PCDHA8: variants seen among roughly 807,000 people sequenced by gnomAD.
PCDHA8 encodes protocadherin alpha 8, also known as protocadherin alpha-8.
Under a neutral mutation model 61.8 loss-of-function variants are expected in PCDHA8, and 53 were observed. The observed-to-expected ratio is 0.86, with a 90% confidence interval of 0.69 to 1.08. The LOEUF (loss-of-function observed/expected upper bound fraction) is 1.08, where lower values mean the gene tolerates loss of function less well. PCDHA8 is among the 50% of genes least tolerant of loss of function. The probability of loss-of-function intolerance (pLI) is 0.00; values close to 1 mark genes in which losing one functional copy is unlikely to be tolerated. For missense variants in PCDHA8, 1,293 were observed against 1,245.0 expected, an observed-to-expected ratio of 1.04 and a Z score of -0.58; for synonymous variants, 618 against 556.6, an observed-to-expected ratio of 1.11 and a Z score of -1.55.
intron 1 of PCDHA8, 178 bp downstream of exon 1, chr5:140,843,893 C>A: frequency 1.5e-6 from 1 of 677,036 alleles, no homozygotes; most frequent in South Asian, 2.1e-5. Context: ...CAGTATTAAT[C>A]ATTCTCCACA....
At chr5:140,880,064 G>C (rs967410421) in intron 1 of PCDHA8, among the ~76,000 whole-genome samples, 2 of 152,148 alleles carry the variant, frequency 1.3e-5, no homozygotes, top group African/African-American at 2.4e-5. Context: ...ACTTTTTGGG[G>C]ACCACAATTC....
At chr5:140,969,908 T>C (rs1586401643) in intron 1 of PCDHA8, among the ~76,000 whole-genome samples, 4 of 152,184 alleles carry the variant, frequency 2.6e-5, no homozygotes, top group Non-Finnish European at 4.4e-5. Context: ...ATGTCACAAG[T>C]GATAAAGCTG....
intron 1 of PCDHA8, among the ~76,000 whole-genome samples, chr5:140,914,069 A>G (rs1042316751): frequency 2.8e-4 from 43 of 152,216 alleles, no homozygotes; most frequent in Non-Finnish European, 5.6e-4. Context: ...GAAATGCTCC[A>G]TAACTATCTA....
chr5:141,006,429 G>C (rs541690957), intron 3 of PCDHA8, among the ~76,000 whole-genome samples: 7 of 152,004 alleles, frequency 4.6e-5, no homozygotes, highest in Non-Finnish European at 1.0e-4. Flanking sequence ...TAGCCAGGAT[G>C]GTCTCAATCT....
chr5:140,857,730 C>A (rs782671299), intron 1 of PCDHA8: 1 of 1,597,474 alleles, frequency 6.3e-7, no homozygotes, highest in Admixed American at 1.7e-5. Context: ...AACGACAACG[C>A]TCCCGCGCTG....
chr5:140,876,862 G>A (rs1554169053), intron 1 of PCDHA8: 2 of 1,614,168 alleles, frequency 1.2e-6, no homozygotes, highest in Non-Finnish European at 1.7e-6. Context: ...CACAGTGTTC[G>A]TGAAGGAGAA....
chr5:140,853,603 G>A (rs1358386755), intron 1 of PCDHA8: 2 of 987,254 alleles, frequency 2.0e-6, no homozygotes, highest in South Asian at 4.7e-5. Flanking sequence ...GAGAGCAAAG[G>A]GGGTGCTGTA....
At chr5:140,887,253 C>T (rs1045921651) in intron 1 of PCDHA8, among the ~76,000 whole-genome samples, 3 of 151,962 alleles carry the variant, frequency 2.0e-5, no homozygotes, top group Admixed American at 6.6e-5. Flanking sequence ...CCCGCCACCA[C>T]GCCCTGCTAA....
Position 140,845,987 on chromosome 5 carries a change from T to C in PCDHA8, c.2394+2272T>C, listed in dbSNP as rs1259118167. 7.3e-5 allele frequency among the ~76,000 whole-genome samples: 11 copies of C among 149,774 alleles called. 1 individual carries two copies. Among genetic ancestry groups the C allele is most frequent in the Admixed American group, 4.7e-4 (7 of 14,964 alleles). On this transcript the variant is annotated intron_variant, in intron 1 of 3. Coordinates refer to ENST00000531613, the MANE Select transcript of PCDHA8 (RefSeq NM_018911.3). ...TAGGATGTTTCAATATTTTGAATGT[T>C]GTGTGGTGGAATGAAAAAAATCTAA...
At position 140,863,948 on chromosome 5, in the gene PCDHA8, C is replaced by T. The variant is rs782241873; in HGVS notation, c.2394+20233C>T. On this transcript the variant is annotated intron_variant, in intron 1 of 3. Transcript: ENST00000531613. ...CCTAGGAGGCAGAGGTTGCGGTGAG[C>T]CTAGATTAGGCCACTGCACTACAGC... is the stretch of plus-strand genomic sequence containing the variant. 1.5e-3 allele frequency: 237 copies of T among 158,844 alleles called. 8 individuals carry two copies. The highest frequency in any genetic ancestry group is 2.3e-3 in the Admixed American group (40 of 17,122). 9.8% of individuals were successfully genotyped at this position (158,844 alleles called of 1,614,324 possible). A position where few individuals can be genotyped will look rare whatever the true frequency, so the allele number is the denominator to read the frequency against.
chr5:140,870,689 T>G (rs1349209235), intron 1 of PCDHA8: 1 of 1,612,838 alleles, frequency 6.2e-7, no homozygotes. Context: ...GAGCTGGAGC[T>G]GCTACAGTTC....
chr5:140,919,307 T>C (rs567605906), intron 1 of PCDHA8, among the ~76,000 whole-genome samples: 2 of 152,348 alleles, frequency 1.3e-5, no homozygotes, highest in East Asian at 1.9e-4. Context: ...GTACAATATA[T>C]GTTTTCCCAT....
rs782413551 is a variant in PCDHA8, at chr5:141,009,873, A to G, written c.2789A>G (p.Lys930Arg). Residue 930 changes from lysine to arginine, a missense_variant, in exon 4 of 4, where the codon AAG becomes AGG. By Grantham distance (26) the Lys-to-Arg change is conservative. Coordinates refer to ENST00000531613, the MANE Select transcript of PCDHA8 (RefSeq NM_018911.3). ...EETKKKKKKK[K>R]GNKTQEKKEK... The stretch of plus-strand genomic sequence containing the variant: ...ACCAAGAAAAAGAAGAAAAAGAAGA[A>G]GGGTAACAAGACCCAGGAGAAAAAA... 6.2e-7 allele frequency: 1 copy of G among 1,614,034 alleles called. No individual in the cohort carries two copies. The highest frequency in any genetic ancestry group is 8.5e-7 in the Non-Finnish European group (1 of 1,180,008).
At chr5:140,980,948 G>C (rs72802987) in intron 2 of PCDHA8, among the ~76,000 whole-genome samples, 1 of 152,206 alleles carries the variant, frequency 6.6e-6, no homozygotes, top group Non-Finnish European at 1.5e-5. Flanking sequence ...CTGGCTCCAG[G>C]ATAGTTACAC....
chr5:140,883,954 T>A (rs2059908896), intron 1 of PCDHA8: 1 of 1,612,680 alleles, frequency 6.2e-7, no homozygotes, highest in Non-Finnish European at 8.5e-7. Flanking sequence ...ACGACAACGC[T>A]CCGGCGCTGC....
intron 1 of PCDHA8, chr5:140,848,680 G>A: frequency 1.9e-6 from 3 of 1,592,366 alleles, no homozygotes; most frequent in East Asian, 2.2e-5. Context: ...CTGGTGCCGC[G>A]CCTGTTCCAG....
chr5:140,954,316 C>T (rs1406547197), intron 1 of PCDHA8, among the ~76,000 whole-genome samples: 6 of 152,140 alleles, frequency 3.9e-5, no homozygotes, highest in South Asian at 4.1e-4. Context: ...GGGATTGCTG[C>T]GTCAAATGGT....
intron 1 of PCDHA8, chr5:140,869,974 T>G: frequency 6.2e-7 from 1 of 1,613,252 alleles, no homozygotes; most frequent in Non-Finnish European, 8.5e-7. Context: ...TGGAAGACAC[T>G]TATTTACACT....
chr5:140,887,239 G>A (rs1248062448), intron 1 of PCDHA8, among the ~76,000 whole-genome samples: 2 of 151,736 alleles, frequency 1.3e-5, no homozygotes, highest in Admixed American at 6.6e-5. Context: ...TGAGACTACC[G>A]GCGCCCGCCA....
Sources: allele counts gnomAD v4.1 joint callset (sites outside exome capture counted in the v4.1 genomes callset), GRCh38; gene constraint gnomAD v4.1.1; transcripts MANE v1.5; gene names NCBI Gene and HGNC (gene_info 2026-07-23, HGNC 2026-07-21).